Variants in PAPPA observed in about 807,000 individuals in gnomAD.
The protein encoded by PAPPA is pappalysin 1, also known as pappalysin-1.
Under a neutral mutation model 164.0 loss-of-function variants are expected in PAPPA, and 60 were observed. The observed-to-expected ratio is 0.37, with a 90% CI of 0.30 to 0.45. The LOEUF (loss-of-function observed/expected upper bound fraction) is 0.45. Ranked by LOEUF, PAPPA falls within the 20% of genes least tolerant of loss-of-function variation. The pLI, the probability that PAPPA is intolerant of heterozygous loss-of-function variation, is 1.00. For synonymous variants in PAPPA, 875 were observed against 814.1 expected, an observed-to-expected ratio of 1.07 and a Z score of -1.27; for missense variants, 1,782 against 2,087.3, an observed-to-expected ratio of 0.85 and a Z score of 2.85.
intron 21 of PAPPA, among the ~76,000 whole-genome samples, chr9:116,392,153 C>CTAA (rs1475683081): frequency 7.9e-5 from 12 of 152,176 alleles, no homozygotes; most frequent in Admixed American, 1.3e-4. Flanking sequence ...GATAATGATG[C>CTAA]ACATTGAGTT....
chr9:116,314,682 G>A (rs771801844), intron 10 of PAPPA, among the ~76,000 whole-genome samples: 9 of 152,132 alleles, frequency 5.9e-5, no homozygotes, highest in Non-Finnish European at 1.2e-4. Context: ...GGACCAACTT[G>A]CAATTTCCAG....
At chr9:116,209,068 A>T (rs1232555126) in intron 3 of PAPPA, among the ~76,000 whole-genome samples, 2 of 152,170 alleles carry the variant, frequency 1.3e-5, no homozygotes, top group African/African-American at 4.8e-5. Context: ...CAGACTAAAA[A>T]GTCAATAGTG....
intron 10 of PAPPA, among the ~76,000 whole-genome samples, chr9:116,331,000 G>A (rs191838742): frequency 9.5e-4 from 144 of 152,142 alleles, no homozygotes; most frequent in Non-Finnish European, 4.0e-4. Flanking sequence ...ATTTGTCTCC[G>A]TGAGAATATC....
intron 6 of PAPPA, among the ~76,000 whole-genome samples, chr9:116,234,894 G>A (rs986054612): frequency 3.3e-5 from 5 of 152,250 alleles, no homozygotes; most frequent in South Asian, 2.1e-4. Flanking sequence ...ACATTGACTC[G>A]GTAGTGAGAT....
intron 19 of PAPPA, 57 bp from the exon 20 acceptor site, chr9:116,377,519 G>GAGGTGGGT: frequency 8.2e-7 from 1 of 1,221,798 alleles, no homozygotes; most frequent in Admixed American, 1.7e-5. Context: ...TGCCAACACG[G>GAGGTGGGT]AGGTGGGTCC....
chr9:116,339,499 G>T (rs905583721), intron 13 of PAPPA, among the ~76,000 whole-genome samples: 3 of 152,114 alleles, frequency 2.0e-5, no homozygotes, highest in African/African-American at 7.2e-5. Context: ...CATTCCCCCA[G>T]GTGCCTCATT....
intron 2 of PAPPA, among the ~76,000 whole-genome samples, chr9:116,188,739 A>G (rs1437413493): frequency 6.6e-6 from 1 of 152,198 alleles, no homozygotes; most frequent in Middle Eastern, 3.2e-3. Flanking sequence ...GTTCTGGTGG[A>G]CAGGCTCAAA....
chr9:116,237,710 TTCTC>T (rs1331457883), intron 7 of PAPPA, among the ~76,000 whole-genome samples: 20 of 151,862 alleles, frequency 1.3e-4, no homozygotes, highest in African/African-American at 4.3e-4. Context: ...GGATTAATTC[TTCTC>T]TCTCTCTTTT....
chr9:116,373,575 T>TTCTCACATG (rs1846604318), intron 19 of PAPPA: 1 of 152,030 alleles, frequency 6.6e-6, no homozygotes, highest in Admixed American at 6.5e-5. Flanking sequence ...CTTAGATGCT[T>TTCTCACATG]TCTCACATGT....
At chr9:116,307,723 TGAGA>T (rs145791298) in intron 10 of PAPPA, among the ~76,000 whole-genome samples, 4 of 149,832 alleles carry the variant, frequency 2.7e-5, no homozygotes, top group African/African-American at 7.3e-5. Context: ...CTGAGGAATG[TGAGA>T]GAGAGAGAGA....
chr9:116,207,708 G>A (rs1844254285), intron 3 of PAPPA, 107 bp downstream of exon 3: 3 of 811,566 alleles, frequency 3.7e-6, no homozygotes, highest in South Asian at 6.2e-5. Flanking sequence ...GTAGTTGTGA[G>A]GGTGAACAAC....
chr9:116,362,782 T>G, intron 18 of PAPPA, 43 bp downstream of exon 18: 1 of 1,590,780 alleles, frequency 6.3e-7, no homozygotes, highest in Non-Finnish European at 8.6e-7. Flanking sequence ...GGGCAATTCC[T>G]TCCAGCAATG....
At chr9:116,235,686 A>C in intron 7 of PAPPA, 49 bp downstream of exon 7, 2 of 1,591,898 alleles carry the variant, frequency 1.3e-6, no homozygotes. Flanking sequence ...TGGGTTGTGG[A>C]GGAACGTGAG....
At chr9:116,177,343 C>T (rs1419794586) in intron 1 of PAPPA, among the ~76,000 whole-genome samples, 1 of 152,204 alleles carries the variant, frequency 6.6e-6, no homozygotes, top group East Asian at 1.9e-4. Context: ...CATGCAAGCA[C>T]CCTCACATGC....
At chr9:116,348,116 C>T (rs928107072) in intron 15 of PAPPA, among the ~76,000 whole-genome samples, 2 of 152,268 alleles carry the variant, frequency 1.3e-5, no homozygotes, top group South Asian at 2.1e-4. Context: ...GGAGGACCAT[C>T]ATTTTGACAG....
At chr9:116,219,840 G>A (rs1303376077) in intron 4 of PAPPA, 97 bp from the exon 5 acceptor site, 9 of 961,072 alleles carry the variant, frequency 9.4e-6, no homozygotes, top group Non-Finnish European at 1.4e-5. Context: ...GAACGACTTG[G>A]GTGCTGACTC....
chr9:116,212,013 A>G (rs1378256265), intron 4 of PAPPA, 81 bp downstream of exon 4: 76 of 1,237,598 alleles, frequency 6.1e-5, no homozygotes, highest in Non-Finnish European at 1.2e-6. Context: ...AACCTTGAAC[A>G]AGCTACTTAC....
intron 2 of PAPPA, among the ~76,000 whole-genome samples, chr9:116,203,621 TA>T (rs1844197399): frequency 6.6e-6 from 1 of 152,136 alleles, no homozygotes; most frequent in African/African-American, 2.4e-5. Context: ...AATAATGCAG[TA>T]AAAGGAGCCT....
chr9:116,368,618 C>T (rs1385506773), intron 19 of PAPPA, among the ~76,000 whole-genome samples: 1 of 152,230 alleles, frequency 6.6e-6, no homozygotes, highest in African/African-American at 2.4e-5. Context: ...CCCTGCTTTT[C>T]TCCCCCAGGA....
Sources: gnomAD v4.1 joint callset for allele counts (sites outside exome capture counted in the v4.1 genomes callset) on GRCh38, gnomAD v4.1.1 for gene constraint, MANE v1.5 for transcripts, NCBI Gene and HGNC (gene_info 2026-07-23, HGNC 2026-07-21) for gene names.